The following KREMEN1 variants were observed in gnomAD, a reference collection of about 807,000 sequenced individuals.
KREMEN1 encodes the protein kremen protein 1.
In KREMEN1, 30 loss-of-function variants were observed where a neutral mutation model predicts 46.5. The ratio of observed to expected loss-of-function variants is 0.65; its 90% CI spans 0.48 to 0.88. The LOEUF is 0.88. KREMEN1 is among the 40% of genes least tolerant of loss of function. The pLI is 0.00. For synonymous variants in KREMEN1, 214 were observed against 230.6 expected (o/e 0.93, Z 0.65); for missense variants, 533 against 596.9 (o/e 0.89, Z 1.11).
At chr22:29,083,404 T>C (rs1324195650) in intron 1 of KREMEN1, among the ~76,000 whole-genome samples, 4 of 152,256 alleles carry the variant, frequency 2.6e-5, no homozygotes, top group African/African-American at 4.8e-5. Context: ...CTACATATTA[T>C]AGACCTGAAT....
intron 9 of KREMEN1, among the ~76,000 whole-genome samples, chr22:29,166,869 G>C (rs1024546982): frequency 6.6e-6 from 1 of 152,156 alleles, no homozygotes; most frequent in African/African-American, 2.4e-5. Flanking sequence ...AGAGTTTGAG[G>C]CTGCAGTGAG....
chr22:29,160,255 G>A (rs988286899), intron 9 of KREMEN1, among the ~76,000 whole-genome samples: 1 of 152,182 alleles, frequency 6.6e-6, no homozygotes. Flanking sequence ...TTTCGGCTGG[G>A]TGTGGTGGCT....
At chr22:29,118,887 C>T (rs1223989045) in intron 3 of KREMEN1, among the ~76,000 whole-genome samples, 1 of 152,156 alleles carries the variant, frequency 6.6e-6, no homozygotes, top group Non-Finnish European at 1.5e-5. Context: ...TATGGCACTA[C>T]CTAACTCAGT....
chr22:29,144,418 C>A lies in KREMEN1; in HGVS notation c.*2306C>A. ...CAGGCAGGCAGGGGCAGGACTGCCACCCCAGGCCCCGTGGGAGGCCTGCTG... is the reference window on the plus strand; with the variant it reads ...CAGGCAGGCAGGGGCAGGACTGCCAACCCAGGCCCCGTGGGAGGCCTGCTG... On this transcript the variant is annotated 3_prime_UTR_variant, in exon 9 of 9. Transcript: ENST00000400335. 1 of 985,574 alleles carries A rather than the reference C, an allele frequency of 1.0e-6. No individual in the cohort carries two copies. Among genetic ancestry groups the A allele is most frequent in the Non-Finnish European group, 1.2e-6 (1 of 830,030 alleles). 61.1% of individuals were successfully genotyped at this position (985,574 alleles called of 1,614,324 possible). A position where few individuals can be genotyped will look rare whatever the true frequency, so the allele number is the denominator to read the frequency against.
intron 9 of KREMEN1, among the ~76,000 whole-genome samples, chr22:29,161,464 G>A (rs374896144): frequency 6.5e-5 from 9 of 137,440 alleles, no homozygotes; most frequent in East Asian, 4.3e-4. Flanking sequence ...CTGAGATTGC[G>A]CCACTGCACT....
At chr22:29,076,045 C>G (rs959860299) in intron 1 of KREMEN1, among the ~76,000 whole-genome samples, 1 of 152,130 alleles carries the variant, frequency 6.6e-6, no homozygotes, top group East Asian at 1.9e-4. Flanking sequence ...GTAATGGAAT[C>G]TAGACTTTCC....
rs527594527 is a variant in KREMEN1 at position 29,100,188 on chromosome 22, T to A, written c.352+1235T>A. ...CTCACTGCAACGGCGCCATCTCGGC[T>A]CACTGCAACCTCCGCCTCCTGGATT... is the stretch of plus-strand genomic sequence containing the variant. On this transcript the variant is annotated intron_variant, in intron 3 of 8. Transcript: ENST00000400335. Among the ~76,000 whole-genome samples, 4 of 151,462 alleles carry A rather than the reference T, an allele frequency of 2.6e-5. No individual in the cohort carries two copies. The East Asian group carries it at 7.8e-4, about 30-fold the overall frequency.
intron 1 of KREMEN1, among the ~76,000 whole-genome samples, chr22:29,090,795 C>G (rs772896598): frequency 1.3e-5 from 2 of 152,136 alleles, no homozygotes; most frequent in African/African-American, 2.4e-5. Flanking sequence ...TTGATATGTA[C>G]TGGGCAAGTC....
chr22:29,076,629 T>C (rs1397790299), intron 1 of KREMEN1, among the ~76,000 whole-genome samples: 1 of 152,144 alleles, frequency 6.6e-6, no homozygotes, highest in Non-Finnish European at 1.5e-5. Context: ...GGCAGACGGA[T>C]CACCTGAGGT....
chr22:29,117,305 C>T (rs569513326), intron 3 of KREMEN1, among the ~76,000 whole-genome samples: 43 of 152,316 alleles, frequency 2.8e-4, no homozygotes, highest in Admixed American at 7.2e-4. Flanking sequence ...CAGTAGCTCA[C>T]GCCTGTAATC....
At chr22:29,105,170 C>G (rs1427420802) in intron 3 of KREMEN1, among the ~76,000 whole-genome samples, 1 of 152,142 alleles carries the variant, frequency 6.6e-6, no homozygotes, top group East Asian at 1.9e-4. Flanking sequence ...GGTAGGGAGG[C>G]AGGGGCTACT....
chr22:29,082,076 A>C (rs1194968961), intron 1 of KREMEN1, among the ~76,000 whole-genome samples: 1 of 35,868 alleles, frequency 2.8e-5, no homozygotes, highest in Non-Finnish European at 6.3e-5. Context: ...AAACTTGTCT[A>C]GAAGCTGGAT....
At chr22:29,155,197 G>A (rs1206165343) in intron 9 of KREMEN1, among the ~76,000 whole-genome samples, 2 of 152,046 alleles carry the variant, frequency 1.3e-5, no homozygotes, top group African/African-American at 2.4e-5. Context: ...TGCAAGTTCT[G>A]TGCCTAACTC....
At chr22:29,147,523 C>T (rs1025944674), downstream of KREMEN1, among the ~76,000 whole-genome samples, 3 of 152,174 alleles carry the variant, frequency 2.0e-5, no homozygotes, top group Non-Finnish European at 4.4e-5. Context: ...TGGAGTCAGC[C>T]CTCCAGGATT....
At chr22:29,138,924 G>A (rs1413653829) in intron 7 of KREMEN1, 142 bp downstream of exon 7, 32 of 1,236,888 alleles carry the variant, frequency 2.6e-5, no homozygotes, top group Non-Finnish European at 3.2e-5. Context: ...CCTATAGTCT[G>A]TCCTGGCTTT....
At chr22:29,093,013 T>C (rs5752865) in intron 1 of KREMEN1, among the ~76,000 whole-genome samples, 16,736 of 152,154 alleles carry the variant, frequency 0.11, 1,442 homozygotes, top group East Asian at 0.43. Flanking sequence ...CTAGGGTTTC[T>C]TGCATAGGTG....
chr22:29,081,202 C>A (rs1196459346), intron 1 of KREMEN1, among the ~76,000 whole-genome samples: 1 of 151,980 alleles, frequency 6.6e-6, no homozygotes, highest in Admixed American at 6.6e-5. Flanking sequence ...TGATCAGCAT[C>A]TTTTTTCACT....
intron 5 of KREMEN1, among the ~76,000 whole-genome samples, chr22:29,125,656 C>T (rs1318732390): frequency 6.6e-6 from 1 of 152,198 alleles, no homozygotes; most frequent in Non-Finnish European, 1.5e-5. Flanking sequence ...TTTGAAGCAA[C>T]GTGGCCTATT....
chr22:29,091,878 T>C (rs1240788864), intron 1 of KREMEN1, among the ~76,000 whole-genome samples: 1 of 152,080 alleles, frequency 6.6e-6, no homozygotes, highest in African/African-American at 2.4e-5. Flanking sequence ...TGGGAAGTAT[T>C]AGGGGAAGAA....
Sources: allele counts gnomAD v4.1 joint callset (sites outside exome capture counted in the v4.1 genomes callset), GRCh38; gene constraint gnomAD v4.1.1; transcripts MANE v1.5; gene names NCBI Gene and HGNC (gene_info 2026-07-23, HGNC 2026-07-21).